DENND1A: variants seen among roughly 807,000 people sequenced by gnomAD.
DENND1A encodes DENN domain containing 1A.
DENND1A carries 51 observed loss-of-function variants against 113.7 expected under a neutral mutation model. That is an observed-to-expected ratio of 0.45 (90% confidence interval 0.36 to 0.57). The LOEUF is 0.57. Among genes scored for constraint, DENND1A ranks in the 20% least tolerant of loss-of-function variants. The pLI, the probability that DENND1A is intolerant of heterozygous loss-of-function variation, is 0.00. For missense variants in DENND1A, 1,258 were observed against 1,395.9 expected, an observed-to-expected ratio of 0.90 and a Z score of 1.57; for synonymous variants, 565 against 570.8, an observed-to-expected ratio of 0.99 and a Z score of 0.14.
At chr9:123,599,334 A>T (rs1299299143) in intron 11 of DENND1A, among the ~76,000 whole-genome samples, 2 of 152,214 alleles carry the variant, frequency 1.3e-5, no homozygotes, top group East Asian at 3.8e-4. Context: ...GTTTAACTTT[A>T]GTACAGAGAG....
chr9:123,743,951 G>C (rs1011705104), intron 5 of DENND1A, among the ~76,000 whole-genome samples: 1 of 152,058 alleles, frequency 6.6e-6, no homozygotes, highest in Non-Finnish European at 1.5e-5. Context: ...CACAAACTTA[G>C]TGGGGAAACA....
intron 5 of DENND1A, among the ~76,000 whole-genome samples, chr9:123,731,364 G>C (rs2068157696): frequency 6.6e-6 from 1 of 152,136 alleles, no homozygotes; most frequent in South Asian, 2.1e-4. Context: ...TGGATACGCA[G>C]AACAATGGAA....
At chr9:123,511,754 G>C (rs1193278242) in intron 13 of DENND1A, among the ~76,000 whole-genome samples, 1 of 152,236 alleles carries the variant, frequency 6.6e-6, no homozygotes, top group Non-Finnish European at 1.5e-5. Flanking sequence ...GAACCACAGA[G>C]TGCCAAGCCA....
intron 1 of DENND1A, among the ~76,000 whole-genome samples, chr9:123,920,845 T>C (rs1467948073): frequency 6.6e-6 from 1 of 152,140 alleles, no homozygotes; most frequent in Non-Finnish European, 1.5e-5. Flanking sequence ...AGTGATGAGA[T>C]TACAGGTGTG....
At chr9:123,409,830 G>A (rs1308159025) in intron 20 of DENND1A, among the ~76,000 whole-genome samples, 3 of 152,162 alleles carry the variant, frequency 2.0e-5, no homozygotes, top group Non-Finnish European at 4.4e-5. Context: ...GGTGGCTCAC[G>A]TCTGTAATCC....
chr9:123,900,998 A>G (rs568334060), intron 1 of DENND1A, among the ~76,000 whole-genome samples: 2 of 152,372 alleles, frequency 1.3e-5, no homozygotes, highest in Admixed American at 1.3e-4. Context: ...AGAGTTCAAT[A>G]AATTTTGGTT....
intron 10 of DENND1A, among the ~76,000 whole-genome samples, chr9:123,614,239 T>G (rs1275998429): frequency 6.6e-6 from 1 of 152,184 alleles, no homozygotes; most frequent in African/African-American, 2.4e-5. Flanking sequence ...CAGCCCAAGC[T>G]CTGCACATGA....
chr9:123,488,718 T>A (rs190644222), intron 13 of DENND1A, among the ~76,000 whole-genome samples: 1 of 152,294 alleles, frequency 6.6e-6, no homozygotes, highest in East Asian at 1.9e-4. Context: ...GAGACAGCAT[T>A]AAAGCGAGAC....
intron 2 of DENND1A, among the ~76,000 whole-genome samples, chr9:123,870,677 C>T (rs373928852): frequency 3.9e-5 from 6 of 152,084 alleles, no homozygotes; most frequent in Middle Eastern, 6.8e-3. Flanking sequence ...CCTCGTGATC[C>T]GCCCACCTCA....
At chr9:123,815,993 CTTTTTTTTTTTTT>C (rs1170659580) in intron 2 of DENND1A, among the ~76,000 whole-genome samples, 1 of 79,778 alleles carries the variant, frequency 1.3e-5, no homozygotes, top group Non-Finnish European at 2.4e-5. Flanking sequence ...AGTGACTGTA[CTTTTTTTTTTTTT>C]TTTTTTTTTT....
At chr9:123,704,186 G>A (rs2066045439) in intron 5 of DENND1A, among the ~76,000 whole-genome samples, 1 of 151,444 alleles carries the variant, frequency 6.6e-6, no homozygotes, top group Non-Finnish European at 1.5e-5. Flanking sequence ...AAGTAAACAA[G>A]CAATAAAGCT....
At chr9:123,402,193 T>C (rs1366505300) in intron 21 of DENND1A, among the ~76,000 whole-genome samples, 3 of 152,216 alleles carry the variant, frequency 2.0e-5, no homozygotes, top group African/African-American at 7.2e-5. Context: ...AGGAGTCCTC[T>C]CTTCCAAATG....
At position 123,475,163 on chromosome 9, in the gene DENND1A, C is replaced by T. The variant is rs138663256; in HGVS notation, c.994-17266G>A. On this transcript the variant is annotated intron_variant, in intron 13 of 23. Coordinates refer to ENST00000394215, the MANE Select transcript of DENND1A (RefSeq NM_001352964.2). ...TCTCCTGAGTAGCTGGAATTACAGG[C>T]GCCCGCCAACACGCCCGGCTAATTT... is the stretch of plus-strand genomic sequence containing the variant. 4.3e-4 allele frequency among the ~76,000 whole-genome samples: 65 copies of T among 152,174 alleles called. 1 individual carries two copies. Among genetic ancestry groups the T allele is most frequent in the Middle Eastern group, 3.4e-3 (1 of 294 alleles).
rs189381164 is a variant in DENND1A at position 123,726,442 on chromosome 9, T to C, written c.302+31261A>G. On this transcript the variant is annotated intron_variant, in intron 5 of 23. Transcript: ENST00000394215. ...CTATCACACGAACATACTTTAGCCA[T>C]TCCAAAAATGACCATTTCCGAAATG... Among the ~76,000 whole-genome samples, 222 of 152,296 alleles carry C rather than the reference T, an allele frequency of 1.5e-3. 1 individual carries two copies. Among genetic ancestry groups the C allele is most frequent in the African/African-American group, 5.2e-3 (218 of 41,572 alleles).
chr9:123,763,524 T>C, intron 4 of DENND1A, among the ~76,000 whole-genome samples: 1 of 152,154 alleles, frequency 6.6e-6, no homozygotes, highest in East Asian at 1.9e-4. Flanking sequence ...TTGAATACAC[T>C]AGTTAGGAAA....
chr9:123,506,417 A>G (rs1197422696), intron 13 of DENND1A, among the ~76,000 whole-genome samples: 1 of 151,988 alleles, frequency 6.6e-6, no homozygotes, highest in Non-Finnish European at 1.5e-5. Flanking sequence ...CCTTGTCTCT[A>G]CTAAAAATAC....
chr9:123,403,387 A>G lies in DENND1A; in HGVS notation c.1631+15T>C, dbSNP rs770070491. The G allele has an allele frequency of 6.2e-7, 1 of 1,613,476 alleles. No individual in the cohort carries two copies. The highest frequency in any genetic ancestry group is 8.5e-7 in the Non-Finnish European group (1 of 1,179,642). ...CAGGGTTCTTACAGACAGAGGGGAGAGGCACAATACTCACTGCTCAGGGCT... is the reference window on the plus strand; with the variant it reads ...CAGGGTTCTTACAGACAGAGGGGAGGGGCACAATACTCACTGCTCAGGGCT... On this transcript the variant is annotated intron_variant, in intron 21 of 23. Coordinates refer to ENST00000394215, the MANE Select transcript of DENND1A (RefSeq NM_001352964.2).
intron 2 of DENND1A, among the ~76,000 whole-genome samples, chr9:123,805,247 A>T (rs1835336792): frequency 6.6e-6 from 1 of 152,026 alleles, no homozygotes; most frequent in African/African-American, 2.4e-5. Context: ...AGTGCATTTC[A>T]CCATGCAACA....
chr9:123,483,566 C>T (rs1206549471), intron 13 of DENND1A, among the ~76,000 whole-genome samples: 1 of 152,268 alleles, frequency 6.6e-6, no homozygotes, highest in African/African-American at 2.4e-5. Context: ...GACGCATGCA[C>T]ACACCAAGTC....
Sources: allele counts gnomAD v4.1 joint callset (sites outside exome capture counted in the v4.1 genomes callset), GRCh38; gene constraint gnomAD v4.1.1; transcripts MANE v1.5; gene names NCBI Gene and HGNC (gene_info 2026-07-23, HGNC 2026-07-21).